PPM1H: variants seen among roughly 807,000 people sequenced by gnomAD.
PPM1H encodes protein phosphatase 1H.
Under a neutral mutation model 54.9 loss-of-function variants are expected in PPM1H, and 27 were observed. The observed-to-expected ratio is 0.49, with a 90% CI of 0.36 to 0.68. The LOEUF is 0.68. Ranked by LOEUF, PPM1H falls within the 30% of genes least tolerant of loss-of-function variation. PPM1H has a pLI of 0.00. For missense variants in PPM1H, 596 were observed against 667.8 expected, an observed-to-expected ratio of 0.89 and a Z score of 1.19; for synonymous variants, 305 against 270.8, an observed-to-expected ratio of 1.13 and a Z score of -1.24.
At chr12:62,854,688 C>T (rs919234736) in intron 1 of PPM1H, among the ~76,000 whole-genome samples, 3 of 151,390 alleles carry the variant, frequency 2.0e-5, no homozygotes, top group South Asian at 2.1e-4. Flanking sequence ...CATGAAATCA[C>T]GAGTATCACA....
chr12:62,672,735 T>C (rs2075963572), intron 8 of PPM1H, among the ~76,000 whole-genome samples: 1 of 152,178 alleles, frequency 6.6e-6, no homozygotes, highest in Non-Finnish European at 1.5e-5. Flanking sequence ...ATTTCCTTAT[T>C]GGGTATTTTA....
At chr12:62,670,307 C>T (rs916964773) in intron 8 of PPM1H, among the ~76,000 whole-genome samples, 1 of 152,050 alleles carries the variant, frequency 6.6e-6, no homozygotes, top group African/African-American at 2.4e-5. Flanking sequence ...GTTATACCTA[C>T]AATAAATTTT....
In PPM1H at chr12:62,752,358, G is replaced by GA. The variant is rs545321707; in HGVS notation, c.870-14773dup. ...TGGGATCTTAAGGAACTGTATGAAAGAAAAAAAAATTTTGTGACCTCACTT... is the reference window on the plus strand; with the variant it reads ...TGGGATCTTAAGGAACTGTATGAAAGAAAAAAAAAATTTTGTGACCTCACTT... On this transcript the variant is annotated intron_variant, in intron 4 of 9. Transcript: ENST00000228705. Among the ~76,000 whole-genome samples, 25 of 151,714 alleles carry GA rather than the reference G, an allele frequency of 1.6e-4. No individual in the cohort carries two copies. In the East Asian group the frequency reaches 3.9e-3, roughly 23 times the overall value.
intron 2 of PPM1H, among the ~76,000 whole-genome samples, chr12:62,803,338 A>G (rs936936362): frequency 6.6e-6 from 1 of 152,226 alleles, no homozygotes; most frequent in African/African-American, 2.4e-5. Context: ...ATCTTAGAGA[A>G]AAGGAGCTCA....
chr12:62,902,498 C>A (rs1871189178), intron 1 of PPM1H, among the ~76,000 whole-genome samples: 1 of 152,184 alleles, frequency 6.6e-6, no homozygotes, highest in African/African-American at 2.4e-5. Flanking sequence ...ATTTTCCAGA[C>A]AAAGCTCTGG....
intron 1 of PPM1H, among the ~76,000 whole-genome samples, chr12:62,926,878 C>T (rs1427013133): frequency 5.3e-5 from 8 of 152,106 alleles, no homozygotes; most frequent in Admixed American, 3.3e-4. Context: ...TGCTTGCACC[C>T]GGGAGGCGGA....
intron 2 of PPM1H, among the ~76,000 whole-genome samples, chr12:62,821,721 T>G (rs927818074): frequency 6.6e-6 from 1 of 152,196 alleles, no homozygotes; most frequent in Non-Finnish European, 1.5e-5. Flanking sequence ...TGAGAGATTT[T>G]GTTACCACCA....
At chr12:62,818,908 C>T (rs917173518) in intron 2 of PPM1H, among the ~76,000 whole-genome samples, 2 of 150,394 alleles carry the variant, frequency 1.3e-5, no homozygotes, top group African/African-American at 4.9e-5. Context: ...GTAACCTCCA[C>T]CTCCTGGGTT....
chr12:62,879,719 A>G (rs1220967640), intron 1 of PPM1H, among the ~76,000 whole-genome samples: 1 of 152,084 alleles, frequency 6.6e-6, no homozygotes, highest in African/African-American at 2.4e-5. Flanking sequence ...TATGTAACAA[A>G]CTTGCAGGTT....
chr12:62,880,833 T>C (rs1077402), intron 1 of PPM1H, among the ~76,000 whole-genome samples: 1 of 151,960 alleles, frequency 6.6e-6, no homozygotes, highest in African/African-American at 2.4e-5. Flanking sequence ...CTACCCCAGA[T>C]GATCCACCGA....
At chr12:62,693,463 G>A (rs1033109364) in intron 7 of PPM1H, among the ~76,000 whole-genome samples, 3 of 152,200 alleles carry the variant, frequency 2.0e-5, no homozygotes, top group Non-Finnish European at 2.9e-5. Flanking sequence ...TGAGACGCGC[G>A]AAGCAGACAG....
chr12:62,694,339 C>G (rs182336871), intron 6 of PPM1H, among the ~76,000 whole-genome samples: 19 of 152,322 alleles, frequency 1.2e-4, no homozygotes, highest in Admixed American at 9.2e-4. Context: ...CTGTGAGAAA[C>G]AGCAGAGCTC....
intron 4 of PPM1H, among the ~76,000 whole-genome samples, chr12:62,745,584 C>A (rs2076405794): frequency 6.6e-6 from 1 of 152,202 alleles, no homozygotes; most frequent in Admixed American, 6.5e-5. Flanking sequence ...GGCCCAACCA[C>A]ATCTCAGAGG....
intron 4 of PPM1H, among the ~76,000 whole-genome samples, chr12:62,756,578 T>G (rs899381484): frequency 5.9e-5 from 9 of 151,444 alleles, no homozygotes; most frequent in Admixed American, 5.3e-4. Flanking sequence ...GGGAGGAGAG[T>G]CATCATCTAC....
At chr12:62,688,008 C>CAA (rs57922128) in intron 8 of PPM1H, among the ~76,000 whole-genome samples, 8,716 of 95,062 alleles carry the variant, frequency 0.092, 356 homozygotes, top group Admixed American at 0.12. Context: ...GACTCCATCT[C>CAA]AAAAAAAAAA....
chr12:62,881,617 C>T (rs1870397818), intron 1 of PPM1H, among the ~76,000 whole-genome samples: 1 of 152,150 alleles, frequency 6.6e-6, no homozygotes, highest in Admixed American at 6.5e-5. Flanking sequence ...TCATACATAT[C>T]TAGATACCCA....
intron 6 of PPM1H, among the ~76,000 whole-genome samples, chr12:62,697,408 C>G (rs1041964344): frequency 6.6e-6 from 1 of 152,092 alleles, no homozygotes; most frequent in African/African-American, 2.4e-5. Context: ...TGTTCTTAGA[C>G]CTGCAGCTGC....
chr12:62,821,186 A>G (rs2076901325), intron 2 of PPM1H, among the ~76,000 whole-genome samples: 1 of 152,232 alleles, frequency 6.6e-6, no homozygotes, highest in Non-Finnish European at 1.5e-5. Context: ...TGGAAGATCA[A>G]ATTAATGAAA....
chr12:62,667,174 A>T lies in PPM1H; in HGVS notation c.1397+4T>A. 1.3e-6 allele frequency: 2 copies of T among 1,576,164 alleles called. No homozygotes were observed. The highest frequency in any genetic ancestry group is 1.7e-6 in the Non-Finnish European group (2 of 1,151,078). ...CAACCCTACAATTGTAGAAATGCACAAACCTGTGAGGATCATCTGGATCAC... is the reference window on the plus strand; with the variant it reads ...CAACCCTACAATTGTAGAAATGCACTAACCTGTGAGGATCATCTGGATCAC... On this transcript the variant is annotated splice_donor_region_variant and intron_variant, in intron 9 of 9. Transcript: ENST00000228705.
Sources: gnomAD v4.1 joint callset for allele counts (sites outside exome capture counted in the v4.1 genomes callset) on GRCh38, gnomAD v4.1.1 for gene constraint, MANE v1.5 for transcripts, NCBI Gene and HGNC (gene_info 2026-07-23, HGNC 2026-07-21) for gene names.